Variants in RUNDC3B observed in about 807,000 individuals in gnomAD.
The protein encoded by RUNDC3B is RUN domain containing 3B.
A neutral mutation model predicts 58.4 loss-of-function variants in RUNDC3B; 33 were observed. The ratio of observed to expected loss-of-function variants is 0.56; its 90% CI spans 0.43 to 0.75. The LOEUF (loss-of-function observed/expected upper bound fraction) is 0.75. RUNDC3B is among the 30% of genes least tolerant of loss of function. The pLI, the probability that RUNDC3B is intolerant of heterozygous loss-of-function variation, is 0.00. For synonymous variants in RUNDC3B, 193 were observed against 195.2 expected, an observed-to-expected ratio of 0.99 and a Z score of 0.10; for missense variants, 501 against 535.7, an observed-to-expected ratio of 0.94 and a Z score of 0.64.
chr7:87,703,763 T>C (rs1425367680), intron 3 of RUNDC3B, among the ~76,000 whole-genome samples: 2 of 151,942 alleles, frequency 1.3e-5, no homozygotes, highest in Admixed American at 1.3e-4. Flanking sequence ...CTTTGACCTC[T>C]GTTTCCTCAA....
chr7:87,651,338 A>G (rs1293745550), intron 2 of RUNDC3B, among the ~76,000 whole-genome samples: 1 of 152,160 alleles, frequency 6.6e-6, no homozygotes, highest in African/African-American at 2.4e-5. Context: ...AGCAGGTAGT[A>G]GGTTAAAAAA....
intron 4 of RUNDC3B, among the ~76,000 whole-genome samples, chr7:87,734,981 C>A (rs1327961427): frequency 6.6e-6 from 1 of 152,122 alleles, no homozygotes; most frequent in Non-Finnish European, 1.5e-5. Flanking sequence ...TTTTTTTCCT[C>A]TGTTCATTTT....
chr7:87,683,484 T>G (rs1388853792), intron 2 of RUNDC3B, among the ~76,000 whole-genome samples: 1 of 152,184 alleles, frequency 6.6e-6, no homozygotes, highest in Non-Finnish European at 1.5e-5. Flanking sequence ...GAGGCCATTA[T>G]AGGATTATTA....
At chr7:87,767,850 C>A (rs1323820150) in intron 6 of RUNDC3B, among the ~76,000 whole-genome samples, 3 of 152,158 alleles carry the variant, frequency 2.0e-5, no homozygotes. Context: ...ACCCTTGTCA[C>A]AGGGCTTGCA....
intron 8 of RUNDC3B, among the ~76,000 whole-genome samples, chr7:87,779,519 A>C (rs1356365938): frequency 1.3e-5 from 2 of 152,104 alleles, no homozygotes; most frequent in African/African-American, 4.8e-5. Flanking sequence ...TATTAATGAT[A>C]CTAATTTTAA....
intron 2 of RUNDC3B, among the ~76,000 whole-genome samples, chr7:87,689,242 A>G (rs1380670465): frequency 2.0e-5 from 3 of 152,066 alleles, no homozygotes; most frequent in East Asian, 3.8e-4. Flanking sequence ...AATTAATCCA[A>G]TTTCATGTCT....
At chr7:87,731,245 T>A (rs1294281383) in intron 4 of RUNDC3B, among the ~76,000 whole-genome samples, 12 of 152,140 alleles carry the variant, frequency 7.9e-5, no homozygotes, top group Non-Finnish European at 1.2e-4. Flanking sequence ...CTATATAAGA[T>A]GTCAGTGACC....
At chr7:87,709,831 T>A (rs1436701837) in intron 3 of RUNDC3B, among the ~76,000 whole-genome samples, 1 of 152,176 alleles carries the variant, frequency 6.6e-6, no homozygotes, top group Non-Finnish European at 1.5e-5. Context: ...AAATAATTGA[T>A]TTATGAAGTT....
intron 2 of RUNDC3B, among the ~76,000 whole-genome samples, chr7:87,700,177 A>G (rs1828896204): frequency 6.6e-6 from 1 of 152,060 alleles, no homozygotes; most frequent in South Asian, 2.1e-4. Context: ...ATTTAGTTTG[A>G]TTTTATTGTT....
At chr7:87,668,044 T>C (rs1825442875) in intron 2 of RUNDC3B, among the ~76,000 whole-genome samples, 1 of 151,942 alleles carries the variant, frequency 6.6e-6, no homozygotes, top group East Asian at 1.9e-4. Flanking sequence ...TTTTTGGAAT[T>C]ATTTCAGTAG....
chr7:87,733,725 CAT>C (rs2130798585), intron 4 of RUNDC3B, among the ~76,000 whole-genome samples: 1 of 152,248 alleles, frequency 6.6e-6, no homozygotes, highest in Admixed American at 6.5e-5. Flanking sequence ...AGATCTTTAA[CAT>C]GTGCAGTTCA....
At chr7:87,822,268 C>T (rs1215816592) in intron 10 of RUNDC3B, among the ~76,000 whole-genome samples, 3 of 152,080 alleles carry the variant, frequency 2.0e-5, no homozygotes, top group Non-Finnish European at 4.4e-5. Context: ...ATTTATGCAG[C>T]CAAAAAACAC....
chr7:87,772,485 A>C (rs1834338127), intron 7 of RUNDC3B, among the ~76,000 whole-genome samples: 1 of 152,200 alleles, frequency 6.6e-6, no homozygotes, highest in African/African-American at 2.4e-5. Flanking sequence ...AATAATTAGA[A>C]AGTGATGAAT....
At chr7:87,776,091 G>C (rs1193609743) in intron 7 of RUNDC3B, among the ~76,000 whole-genome samples, 1 of 152,120 alleles carries the variant, frequency 6.6e-6, no homozygotes, top group Non-Finnish European at 1.5e-5. Context: ...AAGTGGGAAT[G>C]TGATTAGTAT....
At chr7:87,687,522 A>T (rs944305903) in intron 2 of RUNDC3B, among the ~76,000 whole-genome samples, 1 of 152,100 alleles carries the variant, frequency 6.6e-6, no homozygotes, top group Non-Finnish European at 1.5e-5. Flanking sequence ...CTTCACCTCC[A>T]CTAAAACGTA....
chr7:87,703,924 T>G, intron 3 of RUNDC3B, among the ~76,000 whole-genome samples: 1 of 112,310 alleles, frequency 8.9e-6, no homozygotes, highest in African/African-American at 3.5e-5. Context: ...GTTTTTTTTT[T>G]TTTTTTTTTT....
chr7:87,640,922 C>T (rs956195953), intron 1 of RUNDC3B, among the ~76,000 whole-genome samples: 1 of 152,000 alleles, frequency 6.6e-6, no homozygotes, highest in African/African-American at 2.4e-5. Context: ...TGTCTTTTTA[C>T]CTATGTACTT....
intron 6 of RUNDC3B, among the ~76,000 whole-genome samples, chr7:87,768,938 T>G (rs186576644): frequency 6.6e-6 from 1 of 151,758 alleles, no homozygotes; most frequent in African/African-American, 2.4e-5. Flanking sequence ...TATGATAGAA[T>G]CAGAAATCCC....
intron 2 of RUNDC3B, among the ~76,000 whole-genome samples, chr7:87,652,337 A>G (rs1376819047): frequency 6.6e-6 from 1 of 152,072 alleles, no homozygotes; most frequent in Non-Finnish European, 1.5e-5. Flanking sequence ...ACTCACTACT[A>G]TGTAAGTGGA....
Sources: allele counts gnomAD v4.1 joint callset (sites outside exome capture counted in the v4.1 genomes callset), GRCh38; gene constraint gnomAD v4.1.1; transcripts MANE v1.5; gene names NCBI Gene and HGNC (gene_info 2026-07-23, HGNC 2026-07-21).